UNC13C: variants seen among roughly 807,000 people sequenced by gnomAD.
UNC13C encodes the protein unc-13 homolog C, also known as protein unc-13 homolog C.
A neutral mutation model predicts 245.4 loss-of-function variants in UNC13C; 174 were observed. The ratio of observed to expected loss-of-function variants is 0.71; its 90% CI spans 0.63 to 0.80. The LOEUF is 0.80. Ranked by LOEUF, UNC13C falls within the 30% of genes least tolerant of loss-of-function variation. UNC13C has a pLI of 0.00. For missense variants in UNC13C, 2,829 were observed against 2,602.9 expected, an observed-to-expected ratio of 1.09 and a Z score of -1.89; for synonymous variants, 992 against 895.1, an observed-to-expected ratio of 1.11 and a Z score of -1.93.
rs138084025 is a variant in UNC13C at position 54,108,061 on chromosome 15, T to C, written c.2984-34957T>C. Among the ~76,000 whole-genome samples the C allele has an allele frequency of 7.2e-4, 110 of 152,312 alleles. 3 individuals carry two copies. In the East Asian group the frequency reaches 0.019, roughly 27 times the overall value. ...AGAAAAGTTTTCAAGTGTCTAACAA[T>C]ATACAAGGATTATCTGGGTTTTATT... On this transcript the variant is annotated intron_variant, in intron 2 of 32. Coordinates refer to ENST00000260323, the MANE Select transcript of UNC13C (RefSeq NM_001080534.3).
intron 2 of UNC13C, among the ~76,000 whole-genome samples, chr15:54,055,701 A>T (rs1293986037): frequency 6.6e-6 from 1 of 152,086 alleles, no homozygotes; most frequent in African/African-American, 2.4e-5. Context: ...ATGGTGTTTT[A>T]TTTTTTTGGA....
intron 25 of UNC13C, among the ~76,000 whole-genome samples, chr15:54,526,883 A>G (rs1895493006): frequency 6.6e-6 from 1 of 152,204 alleles, no homozygotes; most frequent in Non-Finnish European, 1.5e-5. Context: ...TTTAAATAAG[A>G]AAGACAAAAG....
chr15:54,287,071 A>G (rs968150146), intron 10 of UNC13C, among the ~76,000 whole-genome samples: 22 of 152,194 alleles, frequency 1.4e-4, no homozygotes, highest in Non-Finnish European at 3.2e-4. Context: ...TTGATAAAAG[A>G]AAAGCCAAAT....
At chr15:54,539,964 G>T (rs1393799352) in intron 26 of UNC13C, among the ~76,000 whole-genome samples, 1 of 151,970 alleles carries the variant, frequency 6.6e-6, no homozygotes, top group African/African-American at 2.4e-5. Context: ...ATAAAGTTAG[G>T]AAATAATCTA....
At chr15:54,547,826 C>T (rs74014208) in intron 27 of UNC13C, among the ~76,000 whole-genome samples, 26,894 of 146,556 alleles carry the variant, frequency 0.18, 4,024 homozygotes, top group African/African-American at 0.46. Flanking sequence ...ACACATTCTA[C>T]TTCAATACAT....
intron 19 of UNC13C, among the ~76,000 whole-genome samples, chr15:54,421,091 A>G (rs1010678085): frequency 2.6e-5 from 4 of 151,966 alleles, no homozygotes; most frequent in South Asian, 2.1e-4. Flanking sequence ...AACTTATTTG[A>G]TCCCCACAAC....
chr15:54,292,390 A>G (rs8034016), intron 10 of UNC13C, among the ~76,000 whole-genome samples: 10,868 of 151,976 alleles, frequency 0.072, 1,327 homozygotes, highest in African/African-American at 0.25. Flanking sequence ...ACGTCCGTGA[A>G]TGTTCGTGAA....
chr15:54,480,599 C>A (rs899620845), intron 19 of UNC13C, among the ~76,000 whole-genome samples: 4 of 151,756 alleles, frequency 2.6e-5, no homozygotes, highest in Non-Finnish European at 5.9e-5. Flanking sequence ...TGTTGAATTT[C>A]TTATTCAGAT....
At chr15:54,469,091 G>A (rs1892322553) in intron 19 of UNC13C, among the ~76,000 whole-genome samples, 1 of 151,366 alleles carries the variant, frequency 6.6e-6, no homozygotes, top group Non-Finnish European at 1.5e-5. Context: ...ATTTTCTCAT[G>A]TTACCTCCAA....
intron 4 of UNC13C, among the ~76,000 whole-genome samples, chr15:54,161,012 C>G (rs543286648): frequency 6.6e-6 from 1 of 152,266 alleles, no homozygotes; most frequent in East Asian, 1.9e-4. Flanking sequence ...TTGTGAGTAA[C>G]AGGACAACCT....
At chr15:53,865,622 GA>G in the UNC13C span, among the ~76,000 whole-genome samples, 1 of 152,044 alleles carries the variant, frequency 6.6e-6, no homozygotes, top group Non-Finnish European at 1.5e-5. Context: ...TTTTGATGGG[GA>G]AAAAATTTAG....
At chr15:54,504,495 TA>T (rs1194665521) in intron 22 of UNC13C, among the ~76,000 whole-genome samples, 1 of 152,202 alleles carries the variant, frequency 6.6e-6, no homozygotes, top group Non-Finnish European at 1.5e-5. Context: ...AATCAACCAC[TA>T]AACTATACTC....
intron 2 of UNC13C, among the ~76,000 whole-genome samples, chr15:54,021,171 A>G (rs1422746093): frequency 6.6e-6 from 1 of 152,046 alleles, no homozygotes; most frequent in Admixed American, 6.5e-5. Flanking sequence ...ATCACCTTAC[A>G]TATTTTTTTT....
intron 4 of UNC13C, among the ~76,000 whole-genome samples, chr15:54,228,372 G>A (rs1381691089): frequency 6.6e-6 from 1 of 152,070 alleles, no homozygotes; most frequent in Non-Finnish European, 1.5e-5. Flanking sequence ...TACCTAAGCT[G>A]CAAGACAAAA....
At position 54,015,017 on chromosome 15, in the gene UNC13C, T is replaced by G. The variant is rs1426402802; in HGVS notation, c.2114T>G (p.Leu705Arg). Residue 705 changes from leucine to arginine, a missense_variant, in exon 2 of 33, where the codon CTT becomes CGT. By Grantham distance (102) the Leu-to-Arg change is moderately radical. Coordinates refer to ENST00000260323, the MANE Select transcript of UNC13C (RefSeq NM_001080534.3). ...TACTTGGGAAAGTGCCACAGTGATC[T>G]TCAAGATGACTCAGAGAGCTACGAC... Reference protein sequence around the residue: ...LEYLGKCHSDLQDDSESYDLT... With the variant: ...LEYLGKCHSDRQDDSESYDLT... The G allele has an allele frequency of 1.9e-6, 3 of 1,613,490 alleles. No individual in the cohort carries two copies. Among genetic ancestry groups the G allele is most frequent in the South Asian group, 2.2e-5 (2 of 91,034 alleles).
At chr15:53,865,650 G>A in the UNC13C span, among the ~76,000 whole-genome samples, 6 of 152,084 alleles carry the variant, frequency 3.9e-5, no homozygotes, top group Admixed American at 6.6e-5. Context: ...ACAGTGACAT[G>A]AGTAGGAGAG....
In UNC13C at chr15:54,546,814, A is replaced by T. The variant is rs1357184936; in HGVS notation, c.5789A>T (p.Gln1930Leu). The change falls in exon 27 of 33, where the codon CAA (glutamine) becomes CTA (leucine). Residue 1930 changes from glutamine to leucine, a missense_variant. Gln to Leu is a moderately radical substitution (Grantham distance 113). Transcript: ENST00000260323. Reference sequence around the variant, plus strand: ...CTAGTTCTCAACAAAATAGAAAAACAAATTGTTCTTCCTCCTCTGACAGAT... The same window carrying T: ...CTAGTTCTCAACAAAATAGAAAAACTAATTGTTCTTCCTCCTCTGACAGAT... ...WKLVLNKIEK[Q>L]IVLPPLTDQT... The T allele has an allele frequency of 3.2e-6, 5 of 1,580,842 alleles. No homozygotes were observed. In the African/African-American group the frequency reaches 4.0e-5, roughly 13 times the overall value.
intron 13 of UNC13C, among the ~76,000 whole-genome samples, chr15:54,304,965 G>T (rs2037688712): frequency 6.6e-6 from 1 of 151,976 alleles, no homozygotes; most frequent in Non-Finnish European, 1.5e-5. Context: ...ATCTCAATCT[G>T]TTAATATAAT....
chr15:54,281,453 T>C (rs2036995507), intron 10 of UNC13C, among the ~76,000 whole-genome samples: 1 of 152,212 alleles, frequency 6.6e-6, no homozygotes, highest in African/African-American at 2.4e-5. Context: ...AATATGTAGT[T>C]GTATGTATTT....
Sources: gnomAD v4.1 joint callset for allele counts (sites outside exome capture counted in the v4.1 genomes callset) on GRCh38, gnomAD v4.1.1 for gene constraint, MANE v1.5 for transcripts, NCBI Gene and HGNC (gene_info 2026-07-23, HGNC 2026-07-21) for gene names.